The following RNF213 variants were observed in gnomAD, a reference collection of about 807,000 sequenced individuals.
The protein encoded by RNF213 is E3 ubiquitin-protein ligase RNF213.
A neutral mutation model predicts 514.4 loss-of-function variants in RNF213; 341 were observed. The ratio of observed to expected loss-of-function variants is 0.66; its 90% confidence interval spans 0.61 to 0.73. The LOEUF is 0.73. RNF213 is among the 30% of genes least tolerant of loss of function. RNF213 has a pLI of 0.00. For synonymous variants in RNF213, 2,655 were observed against 2,658.2 expected (o/e 1.00, Z 0.04); for missense variants, 5,767 against 6,615.6 (o/e 0.87, Z 4.45).
intron 46 of RNF213, 57 bp from the exon 47 acceptor site, chr17:80,371,817 T>C (rs1048813543): frequency 4.2e-5 from 37 of 882,622 alleles, no homozygotes; most frequent in Admixed American, 1.5e-4. Context: ...CTCTTTTTTT[T>C]AGTAAGGTAT....
intron 30 of RNF213, 50 bp from the exon 31 acceptor site, chr17:80,350,251 C>T (rs1174146383): frequency 5.9e-6 from 7 of 1,185,546 alleles, no homozygotes; most frequent in Non-Finnish European, 8.8e-6. Flanking sequence ...TTTTCTTTTC[C>T]ATTTTTTTAA....
Position 80,287,918 on chromosome 17 carries a change from T to A in RNF213, c.365T>A (p.Leu122Ter). Residue 122 changes from leucine to a stop codon, truncating the protein, a stop_gained, in exon 4 of 68, where the codon TTG becomes TAG. Transcript: ENST00000582970. LOFTEE classifies it high-confidence loss of function. ...LSPASPCHLT[L>*]LSNPWPQDTA... is the part of the protein sequence containing the mutation. ...CCTGCCAGCCCCTGTCACCTGACTT[T>A]GCTTTCAAACCCGTGGCCTCAGGAC... The A allele has an allele frequency of 1.3e-6, 2 of 1,573,584 alleles. No individual in the cohort carries two copies. The highest frequency in any genetic ancestry group is 1.7e-6 in the Non-Finnish European group (2 of 1,159,568).
chr17:80,339,165 G>A, intron 25 of RNF213, 36 bp from the exon 26 acceptor site: 3 of 1,448,990 alleles, frequency 2.1e-6, no homozygotes, highest in Non-Finnish European at 2.7e-6. Context: ...CTCTCGCATG[G>A]CTCTGTGAGC....
Position 80,343,268 on chromosome 17 carries a change from C to G in RNF213, c.6126C>G (p.Phe2042Leu). ...ESRVLGALLP[F>L]LDAQYQKVPV... ...GAGTCCTGGGCGCCCTGCTGCCCTT[C>G]CTGGATGCGCAGTATCAGAAGGTCC... Residue 2042 changes from phenylalanine to leucine, a missense_variant, in exon 27 of 68, where the codon TTC becomes TTG. Transcript: ENST00000582970. The surrounding 1 kb of genome is among the most constrained non-coding windows in gnomAD (Gnocchi z 4.3). The G allele has an allele frequency of 6.2e-7, 1 of 1,613,826 alleles. No homozygotes were observed. The highest frequency in any genetic ancestry group is 8.5e-7 in the Non-Finnish European group (1 of 1,179,872).
In RNF213 at chr17:80,363,199, A is replaced by AG. The variant is rs2079120309; in HGVS notation, c.11453_11454insG (p.Tyr3818Ter). Residue 3818 changes from tyrosine to a stop codon, truncating the protein, a stop_gained and frameshift_variant, in exon 40 of 68, where the codon TAC becomes TAGC. Transcript: ENST00000582970. LOFTEE classifies it high-confidence loss of function. ...TCCTTACCGTGGGTGCACCTTGCCT[A>AG]CCAGCGTTTCAGAAGCCGTCTGCAG... ...EVSLPWVHLA[Y>*]QRFRSRLQNF... 1.2e-6 allele frequency: 2 copies of AG among 1,614,208 alleles called. No homozygotes were observed. The highest frequency in any genetic ancestry group is 1.7e-6 in the Non-Finnish European group (2 of 1,180,036).
At chr17:80,277,241 T>A (rs191459642) in intron 3 of RNF213, among the ~76,000 whole-genome samples, 1 of 152,160 alleles carries the variant, frequency 6.6e-6, no homozygotes, top group African/African-American at 2.4e-5. Context: ...AGATTAGTGG[T>A]TGGCTGGGAG....
intron 67 of RNF213, among the ~76,000 whole-genome samples, chr17:80,391,373 C>A (rs908363463): frequency 2.0e-5 from 3 of 152,136 alleles, no homozygotes; most frequent in Non-Finnish European, 2.9e-5. Flanking sequence ...TGGGTTCAAT[C>A]GATTCTCCTG....
chr17:80,338,418 C>T (rs536458580), intron 25 of RNF213, among the ~76,000 whole-genome samples: 12 of 152,164 alleles, frequency 7.9e-5, no homozygotes, highest in East Asian at 1.9e-4. Flanking sequence ...AATGGTGTAC[C>T]GGTCTAAGTA....
intron 18 of RNF213, among the ~76,000 whole-genome samples, chr17:80,325,678 C>A (rs200778688): frequency 1.2e-4 from 2 of 16,766 alleles, no homozygotes; most frequent in Non-Finnish European, 2.6e-4. Context: ...CTGATTTCCC[C>A]CCAGCCCCCC....
intron 45 of RNF213, 48 bp downstream of exon 45, chr17:80,369,719 G>GTT: frequency 6.2e-7 from 1 of 1,613,142 alleles, no homozygotes; most frequent in East Asian, 2.2e-5. Flanking sequence ...TCTTCATCTC[G>GTT]CTTCTGCATG....
intron 2 of RNF213, among the ~76,000 whole-genome samples, chr17:80,265,363 A>G (rs2043579766): frequency 6.6e-6 from 1 of 152,212 alleles, no homozygotes; most frequent in Non-Finnish European, 1.5e-5. Context: ...CTCCACTTCT[A>G]TTAATAATAG....
chr17:80,365,260 G>A (rs2079216489), intron 42 of RNF213: 1 of 154,016 alleles, frequency 6.5e-6, no homozygotes, highest in South Asian at 2.0e-4. Flanking sequence ...TTGGAGCACA[G>A]GAAGGTTTAC....
At chr17:80,380,677 A>G (rs1370453015) in intron 55 of RNF213, among the ~76,000 whole-genome samples, 154 bp from the exon 56 acceptor site, 2 of 151,828 alleles carry the variant, frequency 1.3e-5, no homozygotes, top group African/African-American at 4.8e-5. Flanking sequence ...CATGAGAGAG[A>G]CTCTTAGGAA....
intron 42 of RNF213, 123 bp from the exon 43 acceptor site, chr17:80,367,625 G>GCACCCCA (rs1365242453): frequency 5.6e-5 from 41 of 731,732 alleles, no homozygotes; most frequent in Non-Finnish European, 7.5e-5. Context: ...CAAAGGCCTC[G>GCACCCCA]CACCCCACAC....
At chr17:80,391,278 T>G (rs1276842399) in intron 67 of RNF213, among the ~76,000 whole-genome samples, 1 of 152,220 alleles carries the variant, frequency 6.6e-6, no homozygotes, top group Non-Finnish European at 1.5e-5. Context: ...ATTGCCTTTA[T>G]GTTTTATTTT....
chr17:80,361,669 CT>C, intron 38 of RNF213, 64 bp from the exon 39 acceptor site: 1 of 1,596,116 alleles, frequency 6.3e-7, no homozygotes, highest in South Asian at 1.1e-5. Context: ...CCGGAGCCCC[CT>C]GGAGGCAGGG....
intron 65 of RNF213, 60 bp downstream of exon 65, chr17:80,389,427 G>T (rs567569231): frequency 6.3e-5 from 93 of 1,483,170 alleles, no homozygotes; most frequent in Non-Finnish European, 7.5e-5. Flanking sequence ...CCTGCTTCCC[G>T]CGAGGGATAG....
Position 80,377,246 on chromosome 17 carries a change from C to CT in RNF213, c.13510+284dup, listed in dbSNP as rs2079798162. On this transcript the variant is annotated intron_variant, in intron 53 of 67. Transcript: ENST00000582970. The surrounding 1 kb of genome is among the most constrained non-coding windows in gnomAD (Gnocchi z 4.1). ...ATGCCATTTTGGGAGAAGGGAGGGA[C>CT]TGGGAACCACATCAGAGACGCATTC... The CT allele has an allele frequency of 2.1e-6, 1 of 480,594 alleles. No individual in the cohort carries two copies. Among genetic ancestry groups the CT allele is most frequent in the Non-Finnish European group, 3.8e-6 (1 of 262,716 alleles). 29.8% of individuals were successfully genotyped at this position (480,594 alleles called of 1,614,324 possible).
At chr17:80,319,518 C>A in intron 17 of RNF213, 3 of 1,613,350 alleles carry the variant, frequency 1.9e-6, no homozygotes, top group Non-Finnish European at 2.5e-6. Context: ...ACAGTCCCTG[C>A]TGCTCGCACC....
Sources: allele counts gnomAD v4.1 joint callset (sites outside exome capture counted in the v4.1 genomes callset), GRCh38; gene constraint gnomAD v4.1.1; non-coding constraint Gnocchi (gnomAD v3.1); transcripts MANE v1.5; gene names NCBI Gene and HGNC (gene_info 2026-07-23, HGNC 2026-07-21).